GPS2: variants seen among roughly 807,000 people sequenced by gnomAD.
GPS2 encodes GPS-2.
GPS2 carries 22 observed loss-of-function variants against 48.1 expected under a neutral mutation model. That is an observed-to-expected ratio of 0.46 (90% CI 0.33 to 0.65). The LOEUF (loss-of-function observed/expected upper bound fraction) is 0.65. Ranked by LOEUF, GPS2 falls within the 30% of genes least tolerant of loss-of-function variation. The probability of loss-of-function intolerance (pLI) is 0.03; values close to 1 mark genes in which losing one functional copy is unlikely to be tolerated. For missense variants in GPS2, 366 were observed against 406.8 expected, an observed-to-expected ratio of 0.90 and a Z score of 0.86; for synonymous variants, 202 against 142.5, an observed-to-expected ratio of 1.42 and a Z score of -2.98.
In GPS2 at chr17:7,313,219, G is replaced by A. The variant is rs2072887393; in HGVS notation, c.797C>T (p.Ser266Phe). The A allele has an allele frequency of 6.2e-7, 1 of 1,614,088 alleles. No homozygotes were observed. The highest frequency in any genetic ancestry group is 8.5e-7 in the Non-Finnish European group (1 of 1,179,938). Residue 266 changes from serine to phenylalanine, a missense_variant, in exon 9 of 11, where the codon TCC (serine) becomes TTC (phenylalanine). By Grantham distance (155) the Ser-to-Phe change is radical. Transcript: ENST00000380728. ...MEHANQQTGFSDSSSLRPMHP... is the reference protein window; with the variant it reads ...MEHANQQTGFFDSSSLRPMHP... ...CCAAGGTGCCATACTCACTGAGTCG[G>A]AGAAGCCAGTCTGCTGGTTAGCATG...
At chr17:7,312,878 A>G (rs2143010166) in intron 10 of GPS2, 39 bp from the exon 11 acceptor site, 1 of 1,577,980 alleles carries the variant, frequency 6.3e-7, no homozygotes, top group Non-Finnish European at 8.7e-7. Flanking sequence ...GTCACTGGGC[A>G]TACTCTCCCT....
rs2072896511 is a variant in GPS2, at chr17:7,313,727, G to A, written c.481-6C>T. ...GAGCCCACGTAGTGCCGGGTCTAAGGAAGGAGAATGAGAACTCGCCTACAA... is the reference window on the plus strand; with the variant it reads ...GAGCCCACGTAGTGCCGGGTCTAAGAAAGGAGAATGAGAACTCGCCTACAA... On this transcript the variant is annotated splice_polypyrimidine_tract_variant and splice_region_variant and intron_variant, in intron 6 of 10. Coordinates refer to ENST00000380728, the MANE Select transcript of GPS2 (RefSeq NM_004489.5). 10 of 1,613,392 alleles carry A rather than the reference G, an allele frequency of 6.2e-6. No homozygotes were observed. The highest frequency in any genetic ancestry group is 8.5e-6 in the Non-Finnish European group (10 of 1,179,608).
intron 2 of GPS2, 160 bp from the exon 3 acceptor site, chr17:7,314,757 T>C: frequency 7.1e-7 from 1 of 1,411,552 alleles, no homozygotes; most frequent in South Asian, 1.3e-5. Flanking sequence ...GGAAAGGCTT[T>C]ATCAGGTGCT....
In GPS2 at chr17:7,314,991, T is replaced by C; in HGVS notation, c.62A>G (p.His21Arg). The change falls in exon 2 of 11, where the codon CAC becomes CGC. Residue 21 changes from histidine to arginine, a missense_variant. By Grantham distance (29) the His-to-Arg change is conservative (BLOSUM62 0). Transcript: ENST00000380728. Reference protein sequence around the residue: ...SNAMARALHRHIMMERERKRQ... With the variant: ...SNAMARALHRRIMMERERKRQ... ...CTTGCGCTCCCGCTCCATCATAATG[T>C]GCCGGTGCAGCGCCCTGGCCATGGC... 1 of 1,601,984 alleles carries C rather than the reference T, an allele frequency of 6.2e-7. No individual in the cohort carries two copies. Among genetic ancestry groups the C allele is most frequent in the Non-Finnish European group, 8.5e-7 (1 of 1,174,982 alleles).
rs749038830 is a variant in GPS2 at position 7,314,383 on chromosome 17, C to T, written c.225G>A (p.Lys75=). The change falls in exon 4 of 11, where the codon AAG becomes AAA. Residue 75 remains lysine, a synonymous_variant. Transcript: ENST00000380728. ...GCTTCTCTTCCTGTAGAGCCAAAAG[C>T]TTCTCCTCCAACTTCAGAATCTGGG... ...TKEQILKLEE[K]LLALQEEKHQ... 1.9e-6 allele frequency: 3 copies of T among 1,614,144 alleles called. No homozygotes were observed. Among genetic ancestry groups the T allele is most frequent in the Middle Eastern group, 1.7e-4 (1 of 6,060 alleles).
rs967336126 is a variant in GPS2, at chr17:7,315,127, G to A, written c.-67-8C>T. The A allele has an allele frequency of 8.2e-7, 1 of 1,217,084 alleles. No individual in the cohort carries two copies. Among genetic ancestry groups the A allele is most frequent in the Non-Finnish European group, 1.1e-6 (1 of 909,890 alleles). 75.4% of individuals were successfully genotyped at this position (1,217,084 alleles called of 1,614,324 possible). ...CCAGACCTCAGACGGGGCCTGCGGG[G>A]AGGCGGGCGCTCAGAGGGGGCCGCG... is the stretch of plus-strand genomic sequence containing the variant. On this transcript the variant is annotated splice_polypyrimidine_tract_variant and splice_region_variant and intron_variant, in intron 1 of 10. Transcript: ENST00000380728.
chr17:7,314,476 GGGACT>G lies in GPS2; in HGVS notation c.204+7_204+11del, dbSNP rs2072910991. The stretch of plus-strand genomic sequence containing the variant: ...AGAAATCAAAGCTGGGAAAGTTCAA[GGGACT>G]GCTTACTTGTTCCTTGGTCTCCTCT... On this transcript the variant is annotated splice_region_variant and intron_variant, in intron 3 of 10. Transcript: ENST00000380728. 1 of 1,614,192 alleles carries G rather than the reference GGGACT, an allele frequency of 6.2e-7. No individual in the cohort carries two copies. Among genetic ancestry groups the G allele is most frequent in the Non-Finnish European group, 8.5e-7 (1 of 1,180,028 alleles).
chr17:7,312,852 A>G lies in GPS2; in HGVS notation c.901-13T>C. The G allele has an allele frequency of 6.2e-7, 1 of 1,611,580 alleles. No homozygotes were observed. The highest frequency in any genetic ancestry group is 1.3e-5 in the African/African-American group (1 of 74,942). On this transcript the variant is annotated splice_polypyrimidine_tract_variant and intron_variant, in intron 10 of 10. Transcript: ENST00000380728. ...CTGCAAAGCCCGACTGGTGGTGGTGATGAAAAGAGGGCTTTGTCACTGGGC... is the reference window on the plus strand; with the variant it reads ...CTGCAAAGCCCGACTGGTGGTGGTGGTGAAAAGAGGGCTTTGTCACTGGGC...
chr17:7,312,978 C>A lies in GPS2; in HGVS notation c.900+51G>T, dbSNP rs773682607. On this transcript the variant is annotated intron_variant, in intron 10 of 10. Transcript: ENST00000380728. ...CCTGTCCTACCTAATCCTGCTTTTCCGGATCCCTAGTGTAGGGATTCTGAC... is the reference window on the plus strand; with the variant it reads ...CCTGTCCTACCTAATCCTGCTTTTCAGGATCCCTAGTGTAGGGATTCTGAC... 5 of 1,471,808 alleles carry A rather than the reference C, an allele frequency of 3.4e-6. No individual in the cohort carries two copies. In the East Asian group the frequency reaches 1.1e-4, roughly 33 times the overall value. The allele number at this position is 1,471,808 out of a possible 1,614,324, so 91.2% of individuals were successfully genotyped here.
rs201607175 is a variant in GPS2, at chr17:7,314,928, C to T, written c.94+31G>A. On this transcript the variant is annotated intron_variant, in intron 2 of 10. Transcript: ENST00000380728. ...TTGAGGTACAGGAGCCATTCTGGGC[C>T]GTGCGTCCCCCTGCTATGGCCCCGG... The T allele has an allele frequency of 1.9e-3, 3,004 of 1,555,986 alleles. 13 individuals carry two copies. The highest frequency in any genetic ancestry group is 7.1e-3 in the South Asian group (608 of 85,100).
Position 7,315,076 on chromosome 17 carries a change from C to T in GPS2, c.-24G>A. On this transcript the variant is annotated 5_prime_UTR_variant, in exon 2 of 11. Coordinates refer to ENST00000380728, the MANE Select transcript of GPS2 (RefSeq NM_004489.5). The stretch of plus-strand genomic sequence containing the variant: ...ATGGTGCTGCCGTGGGCGCTCGGGC[C>T]GTGGGCGCCCGGCTGTCTCTGACTG... 2 of 1,548,504 alleles carry T rather than the reference C, an allele frequency of 1.3e-6. No homozygotes were observed. Among genetic ancestry groups the T allele is most frequent in the South Asian group, 1.2e-5 (1 of 85,422 alleles).
intron 7 of GPS2, 29 bp downstream of exon 7, chr17:7,313,539 G>C: frequency 1.2e-6 from 2 of 1,613,440 alleles, no homozygotes; most frequent in Non-Finnish European, 1.7e-6. Flanking sequence ...CCTTGAGGAA[G>C]GCCAAGCCCC....
At position 7,313,114 on chromosome 17, in the gene GPS2, C is replaced by T. The variant is rs774633910; in HGVS notation, c.815G>A (p.Arg272His). 4.0e-5 allele frequency: 64 copies of T among 1,594,118 alleles called. No individual in the cohort carries two copies. Among genetic ancestry groups the T allele is most frequent in the African/African-American group, 5.4e-5 (4 of 74,598 alleles). ...ATGCAGAGCCTGGGGGTGCATGGGG[C>T]GCAGAGAGGACTGCAGAGAACAGAG... is the stretch of plus-strand genomic sequence containing the variant. ...QTGFSDSSSLRPMHPQALHPA... is the reference protein window; with the variant it reads ...QTGFSDSSSLHPMHPQALHPA... The change falls in exon 10 of 11, where the codon CGC becomes CAC. Residue 272 changes from arginine (R) to histidine (H), a missense_variant. Arg to His is a conservative substitution (Grantham distance 29, BLOSUM62 0). Around this residue, in one of 3 missense-constraint regions of GPS2, gnomAD observed 275 missense variants for 282.3 expected, o/e 0.97. Transcript: ENST00000380728.
intron 2 of GPS2, 133 bp from the exon 3 acceptor site, chr17:7,314,730 T>A: frequency 1.3e-6 from 2 of 1,528,634 alleles, no homozygotes; most frequent in Non-Finnish European, 1.8e-6. Context: ...AAGCTCCCCA[T>A]CGCGGCAATA....
chr17:7,312,724 GGGGGTGT>G lies in GPS2; in HGVS notation c.*25_*31del. The G allele has an allele frequency of 6.7e-7, 1 of 1,501,552 alleles. No individual in the cohort carries two copies. Among genetic ancestry groups the G allele is most frequent in the Non-Finnish European group, 9.3e-7 (1 of 1,077,134 alleles). 93.0% of individuals were successfully genotyped at this position (1,501,552 alleles called of 1,614,324 possible). On this transcript the variant is annotated 3_prime_UTR_variant, in exon 11 of 11. Coordinates refer to ENST00000380728, the MANE Select transcript of GPS2 (RefSeq NM_004489.5). ...GGATACCCTCACCCACGATGGGGTG[GGGGGTGT>G]GGTGTTGAAGATATAATCTGATGGT...
In GPS2 at chr17:7,315,041, G is replaced by C; in HGVS notation, c.12C>G (p.Leu4=). 6.2e-7 allele frequency: 1 copy of C among 1,600,424 alleles called. No individual in the cohort carries two copies. Among genetic ancestry groups the C allele is most frequent in the Non-Finnish European group, 8.5e-7 (1 of 1,174,838 alleles). MPA[L]LERPKLSNAM... is the part of the protein sequence containing the mutation. ...CGTTGGAAAGCTTGGGGCGCTCCAG[G>C]AGTGCGGGCATGGTGCTGCCGTGGG... The change falls in exon 2 of 11, where the codon CTC becomes CTG. Residue 4 remains leucine, a synonymous_variant. Transcript: ENST00000380728.
chr17:7,314,098 G>T lies in GPS2; in HGVS notation c.379C>A (p.His127Asn), dbSNP rs2072903993. The T allele has an allele frequency of 1.2e-6, 2 of 1,613,912 alleles. No homozygotes were observed. Among genetic ancestry groups the T allele is most frequent in the African/African-American group, 2.7e-5 (2 of 74,928 alleles). The change falls in exon 5 of 11, where the codon CAT becomes AAT. Residue 127 changes from histidine (H) to asparagine (N), a missense_variant. By Grantham distance (68) the His-to-Asn change is moderately conservative. Transcript: ENST00000380728. ...QQSLTVHTGT[H>N]LLSMQGSPGG... is the part of the protein sequence containing the mutation. ...TCCTCACCCTGCATGCTGAGGAGAT[G>T]AGTTCCTGTGTGAACAGTCAGGCTC...
Position 7,313,849 on chromosome 17 carries a change from G to A in GPS2, c.480+57C>T. ...TGATATGTTTGTGACTTGAATACTG[G>A]TGGCAAGGATGCATGGATGGAAGTA... On this transcript the variant is annotated intron_variant, in intron 6 of 10. Coordinates refer to ENST00000380728, the MANE Select transcript of GPS2 (RefSeq NM_004489.5). 3 of 1,571,108 alleles carry A rather than the reference G, an allele frequency of 1.9e-6. No homozygotes were observed. In the South Asian group the frequency reaches 3.3e-5, roughly 17 times the overall value.
rs201162324 is a variant in GPS2, at chr17:7,313,056, G to C, written c.873C>G (p.Leu291=). 121 of 1,558,482 alleles carry C rather than the reference G, an allele frequency of 7.8e-5. No homozygotes were observed. The highest frequency in any genetic ancestry group is 9.9e-5 in the Non-Finnish European group (114 of 1,150,772). The part of the protein sequence containing the change: ...PAPGLLASPQ[L]PVQMQPAGKS... Reference sequence around the variant, plus strand: ...TTCCTGCTGGCTGCATCTGCACAGGGAGCTGGGGGGAAGCAAGGAGTCCAG... The same window carrying C: ...TTCCTGCTGGCTGCATCTGCACAGGCAGCTGGGGGGAAGCAAGGAGTCCAG... Residue 291 remains leucine, a synonymous_variant, in exon 10 of 11, where the codon CTC becomes CTG. Transcript: ENST00000380728.
Sources: allele counts gnomAD v4.1 joint callset, GRCh38; gene constraint gnomAD v4.1.1; regional missense constraint gnomAD v4.1.1; transcripts MANE v1.5; gene names NCBI Gene and HGNC (gene_info 2026-07-23, HGNC 2026-07-21).